The following IFT46 variants were observed in gnomAD, a reference collection of about 807,000 sequenced individuals.
The protein encoded by IFT46 is intraflagellar transport protein 46 homolog.
Under a neutral mutation model 39.6 loss-of-function variants are expected in IFT46, and 19 were observed. That is an observed-to-expected ratio of 0.48 (90% CI 0.33 to 0.70). The LOEUF (loss-of-function observed/expected upper bound fraction) is 0.70. Ranked by LOEUF, IFT46 falls within the 30% of genes least tolerant of loss-of-function variation. The pLI is 0.01. For synonymous variants in IFT46, 117 were observed against 134.8 expected, an observed-to-expected ratio of 0.87 and a Z score of 0.91; for missense variants, 334 against 364.8, an observed-to-expected ratio of 0.92 and a Z score of 0.69.
intron 3 of IFT46, among the ~76,000 whole-genome samples, chr11:118,559,391 A>G (rs1476367595): frequency 2.0e-5 from 3 of 152,182 alleles, no homozygotes; most frequent in African/African-American, 7.2e-5. Flanking sequence ...CTAGACTGAT[A>G]ATTTCAAACT....
rs1203414927 is a variant in IFT46 at position 118,544,838 on chromosome 11, G to A, written c.*78C>T. 1 of 1,012,804 alleles carries A rather than the reference G, an allele frequency of 9.9e-7. No homozygotes were observed. The highest frequency in any genetic ancestry group is 1.5e-6 in the Non-Finnish European group (1 of 646,670). 62.7% of individuals were successfully genotyped at this position (1,012,804 alleles called of 1,614,324 possible). A position where few individuals can be genotyped will look rare whatever the true frequency, so the allele number is the denominator to read the frequency against. On this transcript the variant is annotated 3_prime_UTR_variant, in exon 12 of 12. Transcript: ENST00000264021. ...GCTGTGGCATGGGCAAGGACATCAA[G>A]TAGCTGACAACGATCTGTCCATCTC... is the stretch of plus-strand genomic sequence containing the variant.
chr11:118,567,345 G>A (rs1184561657), upstream of IFT46, among the ~76,000 whole-genome samples: 1 of 152,174 alleles, frequency 6.6e-6, no homozygotes, highest in Non-Finnish European at 1.5e-5. Flanking sequence ...GGGAGGCCAA[G>A]GTGGGTGGAT....
chr11:118,552,543 A>T (rs1937678122), intron 7 of IFT46, among the ~76,000 whole-genome samples: 1 of 152,188 alleles, frequency 6.6e-6, no homozygotes, highest in African/African-American at 2.4e-5. Context: ...TTGTAATCCT[A>T]GCACTTTGGC....
chr11:118,545,481 G>A lies in IFT46; in HGVS notation c.747C>T (p.Ile249=). The A allele has an allele frequency of 2.5e-6, 4 of 1,612,356 alleles. No individual in the cohort carries two copies. Among genetic ancestry groups the A allele is most frequent in the Middle Eastern group, 1.7e-4 (1 of 6,050 alleles). ...ACTGGATCCGACTCTTGTAGACAGG[G>A]ATGTCTAGAATGGCTGAAACGAAGA... The part of the protein sequence containing the change: ...YIDMICAILD[I]PVYKSRIQSL... The change falls in exon 11 of 12, where the codon ATC becomes ATT. Residue 249 remains isoleucine, a synonymous_variant. Transcript: ENST00000264021.
chr11:118,563,797 A>T (rs1236921372), intron 2 of IFT46, among the ~76,000 whole-genome samples: 1 of 152,066 alleles, frequency 6.6e-6, no homozygotes, highest in Non-Finnish European at 1.5e-5. Context: ...GGTTTTTCAC[A>T]TCTCACATAC....
intron 9 of IFT46, chr11:118,546,247 C>A: frequency 1.4e-6 from 1 of 703,458 alleles, no homozygotes. Context: ...CCTGTAATAC[C>A]AGCACTGTGG....
intron 3 of IFT46, among the ~76,000 whole-genome samples, chr11:118,558,190 T>C (rs1937906129): frequency 6.6e-6 from 1 of 152,256 alleles, no homozygotes; most frequent in African/African-American, 2.4e-5. Context: ...TCAGTGACTA[T>C]GCCTTATTAG....
upstream of IFT46, among the ~76,000 whole-genome samples, chr11:118,573,352 C>T (rs1299544167): frequency 1.3e-5 from 2 of 152,232 alleles, no homozygotes; most frequent in South Asian, 2.1e-4. Flanking sequence ...GGTTAGCCTC[C>T]GAGACCAGTT....
intron 7 of IFT46, 39 bp downstream of exon 7, chr11:118,554,420 C>T: frequency 3.9e-6 from 6 of 1,551,190 alleles, no homozygotes; most frequent in South Asian, 1.3e-5. Context: ...CCACTCTTGG[C>T]CCTCTCCAGC....
intron 1 of IFT46, among the ~76,000 whole-genome samples, chr11:118,571,642 A>G (rs782221344): frequency 6.6e-6 from 1 of 152,228 alleles, no homozygotes; most frequent in African/African-American, 2.4e-5. Context: ...AACATTTCTT[A>G]ATGTGCATAT....
intron 10 of IFT46, 142 bp from the exon 11 acceptor site, chr11:118,545,636 A>T: frequency 2.8e-6 from 3 of 1,068,870 alleles, no homozygotes; most frequent in Non-Finnish European, 4.3e-6. Context: ...TAGTCACATA[A>T]GCCAAACACC....
At chr11:118,551,012 C>CAG (rs1951793276) in intron 9 of IFT46, among the ~76,000 whole-genome samples, 1 of 137,638 alleles carries the variant, frequency 7.3e-6, no homozygotes, top group South Asian at 2.3e-4. Flanking sequence ...GCTTGGGCAA[C>CAG]AGAGTGAGAC....
chr11:118,545,420 T>G lies in IFT46; in HGVS notation c.808A>C (p.Lys270Gln), dbSNP rs1951654987. Residue 270 changes from lysine (K) to glutamine (Q), a missense_variant, in exon 11 of 12, where the codon AAG becomes CAG. Lys to Gln is a moderately conservative substitution (Grantham distance 53, BLOSUM62 1). Transcript: ENST00000264021. ...HLLFSLYSEF[K>Q]NSQHFKALAE... ...GATGCTTGGCTCACCTGTGAGTTCT[T>G]GAATTCTGAGTAGAGGGAAAAGAGC... The G allele has an allele frequency of 1.2e-6, 2 of 1,611,752 alleles. No homozygotes were observed. The highest frequency in any genetic ancestry group is 1.7e-5 in the Admixed American group (1 of 59,974).
At position 118,562,099 on chromosome 11, in the gene IFT46, A is replaced by AC. The variant is rs1174791733; in HGVS notation, c.-35-2236dup. ...AGACCAGCCTGGCCAACATGGTGAA[A>AC]CCCCGTCTCTACTAAAAATACAAAA... On this transcript the variant is annotated intron_variant, in intron 2 of 11. Coordinates refer to ENST00000264021, the MANE Select transcript of IFT46 (RefSeq NM_001168618.2). Among the ~76,000 whole-genome samples, 27 of 152,202 alleles carry AC rather than the reference A, an allele frequency of 1.8e-4. 1 individual carries two copies. The East Asian group carries it at 5.2e-3, about 29-fold the overall frequency.
intron 9 of IFT46, chr11:118,546,838 C>G (rs1222031427): frequency 6.6e-6 from 1 of 152,182 alleles, no homozygotes; most frequent in East Asian, 1.9e-4. Context: ...ACCATATGAA[C>G]AGAGAAAATG....
rs1267796295 is a variant in IFT46, at chr11:118,559,878, T to A, written c.-35-14A>T. The A allele has an allele frequency of 1.3e-6, 2 of 1,500,604 alleles. No individual in the cohort carries two copies. Among genetic ancestry groups the A allele is most frequent in the Non-Finnish European group, 1.8e-6 (2 of 1,082,770 alleles). 93.0% of individuals were successfully genotyped at this position (1,500,604 alleles called of 1,614,324 possible). ...AACGAGGAAGTCCTTAGAAAAAAAG[T>A]TTTTCCTTTAGATTATTGTTAAAAT... On this transcript the variant is annotated splice_polypyrimidine_tract_variant and intron_variant, in intron 2 of 11. Transcript: ENST00000264021.
chr11:118,555,120 GAA>G, intron 5 of IFT46, 37 bp from the exon 6 acceptor site: 1 of 1,565,476 alleles, frequency 6.4e-7, no homozygotes, highest in Non-Finnish European at 8.8e-7. Context: ...GAGACAGTCA[GAA>G]AAAGTTACTT....
At position 118,544,994 on chromosome 11, in the gene IFT46, A is replaced by G. The variant is rs1555066692; in HGVS notation, c.837T>C (p.Ala279=). 3.7e-6 allele frequency: 6 copies of G among 1,612,462 alleles called. No individual in the cohort carries two copies. The highest frequency in any genetic ancestry group is 3.3e-5 in the South Asian group (3 of 90,706). The change falls in exon 12 of 12, where the codon GCT becomes GCC. Residue 279 remains alanine, a synonymous_variant. Coordinates refer to ENST00000264021, the MANE Select transcript of IFT46 (RefSeq NM_001168618.2). ...AAGGAGTGAATGCTTTCTTGCCTTC[A>G]GCGAGAGCTTTAAAATGCTGCAAGG... ...FKNSQHFKAL[A]EGKKAFTPSS... is the part of the protein sequence containing the mutation.
upstream of IFT46, among the ~76,000 whole-genome samples, chr11:118,571,010 G>A (rs1938325309): frequency 2.0e-5 from 3 of 151,784 alleles, no homozygotes; most frequent in South Asian, 6.2e-4. Context: ...CAAGTAGCTG[G>A]GACTCTAGGA....
Sources: allele counts gnomAD v4.1 joint callset (sites outside exome capture counted in the v4.1 genomes callset), GRCh38; gene constraint gnomAD v4.1.1; transcripts MANE v1.5; gene names NCBI Gene and HGNC (gene_info 2026-07-23, HGNC 2026-07-21).